PCDHA12: variants seen among roughly 807,000 people sequenced by gnomAD.
The protein encoded by PCDHA12 is protocadherin alpha-12.
In PCDHA12, 44 loss-of-function variants were observed where a neutral mutation model predicts 60.0. The observed-to-expected ratio is 0.73, with a 90% CI of 0.58 to 0.94. PCDHA12 has a LOEUF of 0.94. Ranked by LOEUF, PCDHA12 falls within the 40% of genes least tolerant of loss-of-function variation. The probability of loss-of-function intolerance (pLI) is 0.00; values close to 1 mark genes in which losing one functional copy is unlikely to be tolerated. For missense variants in PCDHA12, 1,276 were observed against 1,239.7 expected, an observed-to-expected ratio of 1.03 and a Z score of -0.44; for synonymous variants, 569 against 553.0, an observed-to-expected ratio of 1.03 and a Z score of -0.40.
chr5:140,947,920 A>G (rs1336638527), intron 1 of PCDHA12, among the ~76,000 whole-genome samples: 1 of 151,504 alleles, frequency 6.6e-6, no homozygotes, highest in African/African-American at 2.4e-5. Context: ...TCTTGCCTTA[A>G]CCCTGATCTT....
chr5:140,908,329 A>T (rs539575503), intron 1 of PCDHA12, among the ~76,000 whole-genome samples: 140 of 152,214 alleles, frequency 9.2e-4, no homozygotes, highest in African/African-American at 2.7e-3. Flanking sequence ...AGACCATGGG[A>T]ATTTGAGCCA....
intron 1 of PCDHA12, among the ~76,000 whole-genome samples, chr5:140,923,301 G>C (rs1554201374): frequency 6.6e-6 from 1 of 152,206 alleles, no homozygotes; most frequent in African/African-American, 2.4e-5. Context: ...AGCTGGGCGT[G>C]GGGGCGCTTG....
At chr5:140,929,678 T>C in intron 1 of PCDHA12, 1 of 305,066 alleles carries the variant, frequency 3.3e-6, no homozygotes, top group East Asian at 5.8e-5. Flanking sequence ...ATGAAAAATA[T>C]GTAAGAGTCT....
intron 1 of PCDHA12, among the ~76,000 whole-genome samples, chr5:140,913,101 T>C (rs1352707377): frequency 5.9e-5 from 9 of 152,200 alleles, no homozygotes; most frequent in Non-Finnish European, 1.0e-4. Flanking sequence ...ACTGGCCTCA[T>C]AGAATCAGTT....
At chr5:140,948,325 C>T (rs1554218520) in intron 1 of PCDHA12, among the ~76,000 whole-genome samples, 1 of 151,476 alleles carries the variant, frequency 6.6e-6, no homozygotes. Flanking sequence ...GTAATGTTTT[C>T]ATTAGGTTTT....
intron 3 of PCDHA12, among the ~76,000 whole-genome samples, chr5:140,999,986 G>A (rs2097887000): frequency 6.6e-6 from 1 of 151,990 alleles, no homozygotes; most frequent in African/African-American, 2.4e-5. Context: ...GCGGCCTCTG[G>A]GTAGTGGTAT....
At chr5:140,970,252 T>G (rs2096392828) in intron 1 of PCDHA12, among the ~76,000 whole-genome samples, 1 of 152,234 alleles carries the variant, frequency 6.6e-6, no homozygotes, top group South Asian at 2.1e-4. Flanking sequence ...GTTGACAGTT[T>G]CTATGGTTTT....
chr5:140,884,479 C>T, intron 1 of PCDHA12: 1 of 1,613,914 alleles, frequency 6.2e-7, no homozygotes, highest in Non-Finnish European at 8.5e-7. Context: ...CGGGCAAGCC[C>T]ACTCTAGTGT....
At chr5:140,915,503 G>T (rs1420993234) in intron 1 of PCDHA12, among the ~76,000 whole-genome samples, 1 of 152,062 alleles carries the variant, frequency 6.6e-6, no homozygotes, top group Non-Finnish European at 1.5e-5. Flanking sequence ...TAATACTGTG[G>T]TTTTTGCAGA....
rs1274589805 is a variant in PCDHA12, at chr5:140,906,709, G to T, written c.2367+28870G>T. Among the ~76,000 whole-genome samples the T allele has an allele frequency of 3.3e-5, 5 of 152,190 alleles. No individual in the cohort carries two copies. In the East Asian group the frequency reaches 9.6e-4, roughly 29 times the overall value. ...AAGGATCTGGGCCATTTGTAGTCCT[G>T]CCTGGATTGTGCTGTTGTAGTTTCC... On this transcript the variant is annotated intron_variant, in intron 1 of 3. Transcript: ENST00000398631.
chr5:140,982,330 A>G (rs1164990385), intron 2 of PCDHA12, 145 bp from the exon 3 acceptor site: 3 of 1,429,408 alleles, frequency 2.1e-6, no homozygotes, highest in Non-Finnish European at 2.8e-6. Flanking sequence ...GTGACTGCTC[A>G]GCAGTAATTG....
intron 1 of PCDHA12, among the ~76,000 whole-genome samples, chr5:140,879,016 G>A (rs2057813975): frequency 6.6e-6 from 1 of 152,188 alleles, no homozygotes; most frequent in African/African-American, 2.4e-5. Context: ...ATCAGATAAT[G>A]TTTTATTGAA....
In PCDHA12 at chr5:140,976,256, AAC is replaced by A. The variant is rs372931931; in HGVS notation, c.2368-2689_2368-2688del. On this transcript the variant is annotated intron_variant, in intron 1 of 3. Transcript: ENST00000398631. Reference sequence around the variant, plus strand: ...TGTCATTTCATGTAAATTTATTTAAAACACAGACTTTTGGCAAGGCACAGTGG... The same window carrying A: ...TGTCATTTCATGTAAATTTATTTAAAACAGACTTTTGGCAAGGCACAGTGG... Among the ~76,000 whole-genome samples the A allele has an allele frequency of 3.2e-3, 487 of 152,352 alleles. 7 individuals carry two copies. Among genetic ancestry groups the A allele is most frequent in the Middle Eastern group, 0.01 (3 of 294 alleles).
At chr5:140,925,826 G>T (rs1284588733) in intron 1 of PCDHA12, among the ~76,000 whole-genome samples, 3 of 152,066 alleles carry the variant, frequency 2.0e-5, no homozygotes, top group Non-Finnish European at 2.9e-5. Flanking sequence ...CTTCTTTGGG[G>T]ACGGGTCGTC....
intron 1 of PCDHA12, chr5:140,928,537 A>G (rs2085311063): frequency 1.2e-6 from 2 of 1,614,198 alleles, no homozygotes; most frequent in African/African-American, 2.7e-5. Context: ...GGTAGATAGG[A>G]ATGACAATTA....
chr5:140,968,652 A>G, intron 1 of PCDHA12: 1 of 1,614,118 alleles, frequency 6.2e-7, no homozygotes, highest in Non-Finnish European at 8.5e-7. Context: ...CAGACTTCTG[A>G]CCTGGACCTC....
chr5:140,944,999 G>A (rs2093721816), intron 1 of PCDHA12, among the ~76,000 whole-genome samples: 1 of 151,896 alleles, frequency 6.6e-6, no homozygotes, highest in Non-Finnish European at 1.5e-5. Context: ...TAACGGTTGT[G>A]GGTCATGAAT....
chr5:140,981,948 G>T (rs544785800), intron 2 of PCDHA12, among the ~76,000 whole-genome samples: 26 of 152,230 alleles, frequency 1.7e-4, no homozygotes, highest in African/African-American at 6.0e-4. Context: ...TATAGGGTGG[G>T]TCATCTATGC....
intron 1 of PCDHA12, chr5:140,930,511 C>G (rs2086907383): frequency 6.6e-6 from 1 of 152,616 alleles, no homozygotes; most frequent in African/African-American, 2.4e-5. Context: ...GCATGAGCCA[C>G]TGCAGCTGGC....
Sources: allele counts gnomAD v4.1 joint callset (sites outside exome capture counted in the v4.1 genomes callset), GRCh38; gene constraint gnomAD v4.1.1; transcripts MANE v1.5; gene names NCBI Gene and HGNC (gene_info 2026-07-23, HGNC 2026-07-21).